The following SPATA6 variants were observed in gnomAD, a reference collection of about 807,000 sequenced individuals.
SPATA6 encodes the protein spermatogenesis-associated protein 6.
A neutral mutation model predicts 65.3 loss-of-function variants in SPATA6; 56 were observed. That is an observed-to-expected ratio of 0.86 (90% CI 0.69 to 1.07). The LOEUF (loss-of-function observed/expected upper bound fraction) is 1.07. Ranked by LOEUF, SPATA6 falls within the 50% of genes least tolerant of loss-of-function variation. SPATA6 has a pLI of 0.00. For synonymous variants in SPATA6, 199 were observed against 213.2 expected, an observed-to-expected ratio of 0.93 and a Z score of 0.58; for missense variants, 590 against 594.8, an observed-to-expected ratio of 0.99 and a Z score of 0.08.
chr1:48,393,125 A>G (rs1170837323), intron 8 of SPATA6: 1 of 152,178 alleles, frequency 6.6e-6, no homozygotes, highest in Non-Finnish European at 1.5e-5. Flanking sequence ...GATATTACAT[A>G]GTTTCAAAGT....
chr1:48,325,672 CCT>C (rs955120162), intron 11 of SPATA6: 4 of 609,292 alleles, frequency 6.6e-6, no homozygotes, highest in African/African-American at 1.9e-5. Flanking sequence ...CCAGTAAGCC[CCT>C]GAGTTAATCA....
chr1:48,312,893 G>A (rs561367553), intron 11 of SPATA6, among the ~76,000 whole-genome samples: 12 of 152,310 alleles, frequency 7.9e-5, no homozygotes, highest in African/African-American at 2.9e-4. Context: ...AGACAAACGT[G>A]ACGAATGCAC....
intron 9 of SPATA6, among the ~76,000 whole-genome samples, chr1:48,383,484 C>CT (rs1649019951): frequency 3.2e-5 from 1 of 31,114 alleles, no homozygotes. Context: ...GGCTGACCCC[C>CT]CCCACCTCCC....
Position 48,434,694 on chromosome 1 carries a change from G to A in SPATA6, c.238+16858C>T, listed in dbSNP as rs188310831. Among the ~76,000 whole-genome samples the A allele has an allele frequency of 1.5e-3, 222 of 151,998 alleles. 1 individual carries two copies. Among genetic ancestry groups the A allele is most frequent in the African/African-American group, 5.2e-3 (215 of 41,484 alleles). On this transcript the variant is annotated intron_variant, in intron 3 of 12. Transcript: ENST00000371847. ...GAGAGAACATCTGTGGTGCACTTAC[G>A]GGGGTGTGTGTGTGTGTGTGTCTGT...
At chr1:48,344,841 T>C (rs1347541769) in intron 11 of SPATA6, among the ~76,000 whole-genome samples, 3 of 152,162 alleles carry the variant, frequency 2.0e-5, no homozygotes, top group South Asian at 2.1e-4. Context: ...TAAATACATA[T>C]GCACCCAACA....
the SPATA6 span, among the ~76,000 whole-genome samples, chr1:48,287,351 A>C: frequency 6.6e-6 from 1 of 152,202 alleles, no homozygotes. Flanking sequence ...CACTTCCAAC[A>C]TTGGGGGTTA....
intron 3 of SPATA6, chr1:48,436,421 TTCCTGAAGGAATGA>T (rs1654943420): frequency 1.2e-6 from 2 of 1,608,864 alleles, no homozygotes; most frequent in Non-Finnish European, 8.5e-7. Context: ...AGGACCTGTT[TTCCTGAAGGAATGA>T]GTGAAACTTT....
chr1:48,314,622 A>G (rs1645344040), intron 11 of SPATA6, among the ~76,000 whole-genome samples: 1 of 152,204 alleles, frequency 6.6e-6, no homozygotes. Context: ...TAACATCACA[A>G]TTAAAAGAAC....
At chr1:48,385,240 A>G (rs1258253724) in intron 9 of SPATA6, 69 bp downstream of exon 9, 4 of 1,336,710 alleles carry the variant, frequency 3.0e-6, no homozygotes, top group Non-Finnish European at 3.1e-6. Flanking sequence ...ATATACATAT[A>G]TATGAAATAG....
At chr1:48,455,697 T>A (rs761648813) in intron 1 of SPATA6, among the ~76,000 whole-genome samples, 9 of 152,194 alleles carry the variant, frequency 5.9e-5, no homozygotes, top group South Asian at 2.1e-4. Flanking sequence ...TTAACTTTTT[T>A]AAATGTAGCT....
chr1:48,334,014 AG>A (rs1358057306), intron 11 of SPATA6, among the ~76,000 whole-genome samples: 1 of 152,232 alleles, frequency 6.6e-6, no homozygotes, highest in Non-Finnish European at 1.5e-5. Flanking sequence ...CTATGCACAC[AG>A]ACTAGAAAAT....
intron 11 of SPATA6, among the ~76,000 whole-genome samples, chr1:48,320,835 A>G (rs1645579415): frequency 6.6e-6 from 1 of 152,210 alleles, no homozygotes; most frequent in Non-Finnish European, 1.5e-5. Context: ...AAAGTAAGAT[A>G]AAAATAGGAA....
chr1:48,351,919 A>G (rs1646522689), intron 11 of SPATA6, among the ~76,000 whole-genome samples: 2 of 152,186 alleles, frequency 1.3e-5, no homozygotes, highest in South Asian at 4.1e-4. Flanking sequence ...TCCTTGAAAA[A>G]GTTCTTAACT....
At position 48,399,629 on chromosome 1, in the gene SPATA6, G is replaced by A; in HGVS notation, c.502C>T (p.His168Tyr). ...TGTGATTTTTCAACTGGAGCCAAAT[G>A]GTAAATAAATTTATCCTAAACATAA... is the stretch of plus-strand genomic sequence containing the variant. ...KCHTQDKFIY[H>Y]LAPVEKSHGR... The change falls in exon 7 of 13, where the codon CAT (histidine) becomes TAT (tyrosine). Residue 168 changes from histidine to tyrosine, a missense_variant. Coordinates refer to ENST00000371847, the MANE Select transcript of SPATA6 (RefSeq NM_019073.4). 7 of 1,584,780 alleles carry A rather than the reference G, an allele frequency of 4.4e-6. No homozygotes were observed. Among genetic ancestry groups the A allele is most frequent in the South Asian group, 3.5e-5 (3 of 85,236 alleles).
At chr1:48,436,589 G>A in intron 3 of SPATA6, 1 of 1,613,386 alleles carries the variant, frequency 6.2e-7, no homozygotes, top group Non-Finnish European at 8.5e-7. Context: ...CATCTGCATA[G>A]TTTGGTTAAG....
At chr1:48,324,135 A>G (rs1339138105) in intron 11 of SPATA6, among the ~76,000 whole-genome samples, 1 of 151,860 alleles carries the variant, frequency 6.6e-6, no homozygotes, top group Non-Finnish European at 1.5e-5. Flanking sequence ...TATTATTATT[A>G]TTTGTAGAGA....
the SPATA6 span, among the ~76,000 whole-genome samples, chr1:48,275,516 C>A: frequency 1.3e-5 from 2 of 152,212 alleles, no homozygotes; most frequent in Admixed American, 1.3e-4. Context: ...TACGTCCCAT[C>A]AATACCTAGT....
the SPATA6 span, among the ~76,000 whole-genome samples, chr1:48,279,139 T>A: frequency 2.0e-5 from 3 of 151,426 alleles, no homozygotes; most frequent in African/African-American, 7.3e-5. Flanking sequence ...GCTGAGAGAT[T>A]TTGTCACCAC....
chr1:48,460,940 C>G (rs965104488), intron 1 of SPATA6, among the ~76,000 whole-genome samples: 6 of 151,112 alleles, frequency 4.0e-5, no homozygotes, highest in Admixed American at 2.6e-4. Context: ...CTCTCTGAAC[C>G]TGTTCTGGTT....
Sources: gnomAD v4.1 joint callset for allele counts (sites outside exome capture counted in the v4.1 genomes callset) on GRCh38, gnomAD v4.1.1 for gene constraint, MANE v1.5 for transcripts, NCBI Gene and HGNC (gene_info 2026-07-23, HGNC 2026-07-21) for gene names.